ATP6V0A4: variants seen among roughly 807,000 people sequenced by gnomAD.
The protein encoded by ATP6V0A4 is ATPase H+ transporting V0 subunit a4.
ATP6V0A4 carries 86 observed loss-of-function variants against 107.3 expected under a neutral mutation model. The observed-to-expected ratio is 0.80, with a 90% CI of 0.67 to 0.96. The LOEUF (loss-of-function observed/expected upper bound fraction) is 0.96. Ranked by LOEUF, ATP6V0A4 falls within the 40% of genes least tolerant of loss-of-function variation. The pLI is 0.00. For synonymous variants in ATP6V0A4, 353 were observed against 381.4 expected (o/e 0.93, Z 0.87); for missense variants, 908 against 1,045.6 (o/e 0.87, Z 1.81).
At chr7:138,785,929 A>C (rs73459207) in intron 2 of ATP6V0A4, among the ~76,000 whole-genome samples, 5,795 of 152,184 alleles carry the variant, frequency 0.038, 373 homozygotes, top group African/African-American at 0.13. Flanking sequence ...CTCAGTGCTC[A>C]CTGCTGCCAT....
chr7:138,763,056 A>T (rs1219783884), intron 5 of ATP6V0A4, 31 bp from the exon 6 acceptor site: 37 of 1,613,286 alleles, frequency 2.3e-5, no homozygotes, highest in Non-Finnish European at 3.1e-5. Context: ...AGGTAAGCCA[A>T]CAGAAAGTGC....
chr7:138,728,573 G>A (rs1804832069), intron 18 of ATP6V0A4, among the ~76,000 whole-genome samples, 188 bp downstream of exon 18: 1 of 152,062 alleles, frequency 6.6e-6, no homozygotes, highest in Non-Finnish European at 1.5e-5. Context: ...GCATCTCGTT[G>A]GAAATAAGAC....
intron 19 of ATP6V0A4, among the ~76,000 whole-genome samples, chr7:138,716,736 G>A (rs1237764747): frequency 1.3e-5 from 2 of 152,060 alleles, no homozygotes; most frequent in African/African-American, 4.8e-5. Flanking sequence ...GCTAATTTTT[G>A]TATTTTTTGT....
chr7:138,730,445 T>G (rs1804946715), intron 17 of ATP6V0A4, among the ~76,000 whole-genome samples: 1 of 152,042 alleles, frequency 6.6e-6, no homozygotes, highest in African/African-American at 2.4e-5. Context: ...TTTATTAACT[T>G]GTATTGCCTC....
chr7:138,722,166 T>C (rs1173824969), intron 18 of ATP6V0A4, 141 bp from the exon 19 acceptor site: 1 of 1,377,318 alleles, frequency 7.3e-7, no homozygotes, highest in East Asian at 2.5e-5. Context: ...CATTAAGCCC[T>C]CACAACAACC....
At chr7:138,763,531 G>A (rs1806934633) in intron 5 of ATP6V0A4, among the ~76,000 whole-genome samples, 1 of 152,184 alleles carries the variant, frequency 6.6e-6, no homozygotes, top group Non-Finnish European at 1.5e-5. Context: ...AGGAGGCCGA[G>A]GCAGGAGAGT....
intron 4 of ATP6V0A4, 143 bp from the exon 5 acceptor site, chr7:138,769,017 C>A: frequency 1.3e-6 from 2 of 1,562,778 alleles, no homozygotes; most frequent in Admixed American, 1.9e-5. Flanking sequence ...TGGATCCCAC[C>A]CCCAACCTCC....
Position 138,706,658 on chromosome 7 carries a change from A to C in ATP6V0A4, c.2489T>G (p.Phe830Cys). The C allele has an allele frequency of 1.9e-6, 3 of 1,613,980 alleles. No homozygotes were observed. Among genetic ancestry groups the C allele is most frequent in the Non-Finnish European group, 2.5e-6 (3 of 1,179,966 alleles). The change falls in exon 22 of 22, where the codon TTT becomes TGT. Residue 830 changes from phenylalanine to cysteine, a missense_variant. Transcript: ENST00000310018. ...GGCTGTGCCATCCAGGATGTGTTTA[A>C]AGGAGAATGGAGAAAACTTGTAACC... Reference protein sequence around the residue: ...GDGYKFSPFSFKHILDGTAEE With the variant: ...GDGYKFSPFSCKHILDGTAEE
intron 10 of ATP6V0A4, among the ~76,000 whole-genome samples, chr7:138,754,685 C>T (rs1259533225): frequency 2.0e-5 from 3 of 151,918 alleles, no homozygotes; most frequent in East Asian, 2.0e-4. Flanking sequence ...TGCAGTGGCG[C>T]GATCTCGGCT....
At chr7:138,768,376 A>G (rs1016467870) in intron 5 of ATP6V0A4, among the ~76,000 whole-genome samples, 5 of 152,210 alleles carry the variant, frequency 3.3e-5, no homozygotes, top group African/African-American at 1.2e-4. Context: ...AGCAGCTTCC[A>G]TCTGGAGTGA....
chr7:138,741,947 A>G (rs189185354), intron 14 of ATP6V0A4, among the ~76,000 whole-genome samples: 3 of 152,316 alleles, frequency 2.0e-5, no homozygotes, highest in Admixed American at 6.5e-5. Context: ...CATTGCTCCA[A>G]TTCAAGACCA....
At chr7:138,710,798 C>G (rs1482050935) in intron 20 of ATP6V0A4, among the ~76,000 whole-genome samples, 1 of 152,072 alleles carries the variant, frequency 6.6e-6, no homozygotes, top group Non-Finnish European at 1.5e-5. Flanking sequence ...AGTCATGAAT[C>G]CTTTCCCCAG....
At chr7:138,787,040 C>T (rs1031551228) in intron 1 of ATP6V0A4, among the ~76,000 whole-genome samples, 2 of 152,154 alleles carry the variant, frequency 1.3e-5, no homozygotes, top group African/African-American at 4.8e-5. Flanking sequence ...ATTCAGTCTC[C>T]TTACTTTAGA....
intron 20 of ATP6V0A4, among the ~76,000 whole-genome samples, chr7:138,711,357 A>G (rs947593015): frequency 6.6e-6 from 1 of 152,214 alleles, no homozygotes; most frequent in East Asian, 1.9e-4. Flanking sequence ...GTCCATGCTT[A>G]GGTGTCCCTG....
intron 10 of ATP6V0A4, 95 bp downstream of exon 10, chr7:138,755,594 C>A: frequency 6.4e-7 from 1 of 1,554,568 alleles, no homozygotes; most frequent in Non-Finnish European, 8.7e-7. Context: ...GCCAGCCTCC[C>A]AGCAAGGGCC....
chr7:138,711,894 C>T (rs149133421), intron 20 of ATP6V0A4, among the ~76,000 whole-genome samples: 59 of 152,344 alleles, frequency 3.9e-4, no homozygotes, highest in Non-Finnish European at 6.9e-4. Flanking sequence ...GATGTGCATT[C>T]GTGTGAAGTG....
chr7:138,758,307 G>A (rs60569142), intron 8 of ATP6V0A4, among the ~76,000 whole-genome samples: 8,714 of 152,106 alleles, frequency 0.057, 793 homozygotes, highest in African/African-American at 0.19. Context: ...ACCTGTCTAC[G>A]GCTATAGAGA....
intron 1 of ATP6V0A4, among the ~76,000 whole-genome samples, chr7:138,792,694 G>A (rs1284746641): frequency 6.6e-6 from 1 of 151,652 alleles, no homozygotes; most frequent in African/African-American, 2.4e-5. Context: ...GATCTCCTGG[G>A]CTCAAGCAAT....
intron 5 of ATP6V0A4, among the ~76,000 whole-genome samples, chr7:138,765,738 TTTTG>T (rs1417122639): frequency 2.1e-5 from 3 of 145,998 alleles, no homozygotes; most frequent in African/African-American, 5.3e-5. Context: ...TGCTGGTGGT[TTTTG>T]TTTTTGTTTT....
Sources: gnomAD v4.1 joint callset for allele counts (sites outside exome capture counted in the v4.1 genomes callset) on GRCh38, gnomAD v4.1.1 for gene constraint, MANE v1.5 for transcripts, NCBI Gene and HGNC (gene_info 2026-07-23, HGNC 2026-07-21) for gene names.